Variants in SCN9A observed in about 807,000 individuals in gnomAD.
SCN9A encodes the protein sodium voltage-gated channel alpha subunit 9.
In SCN9A, 131 loss-of-function variants were observed where a neutral mutation model predicts 187.0. That is an observed-to-expected ratio of 0.70 (90% CI 0.61 to 0.81). The LOEUF (loss-of-function observed/expected upper bound fraction) is 0.81. Among genes scored for constraint, SCN9A ranks in the 30% least tolerant of loss-of-function variants. The pLI, the probability that SCN9A is intolerant of heterozygous loss-of-function variation, is 0.00. For synonymous variants in SCN9A, 809 were observed against 808.6 expected, an observed-to-expected ratio of 1.00 and a Z score of -0.01; for missense variants, 2,252 against 2,396.6, an observed-to-expected ratio of 0.94 and a Z score of 1.26.
intron 17 of SCN9A, among the ~76,000 whole-genome samples, chr2:166,269,506 G>C (rs1696885514): frequency 6.6e-6 from 1 of 152,066 alleles, no homozygotes; most frequent in Non-Finnish European, 1.5e-5. Context: ...CACAAGCCTA[G>C]GACTCTTGAC....
chr2:166,214,287 T>C lies in SCN9A; in HGVS notation c.4399-9823A>G, dbSNP rs77084616. Reference sequence around the variant, plus strand: ...AACTGCCTGAGCACTCTCAGAAGCTTTAATTCCTGGGATCAGACCATCTTC... The same window carrying C: ...AACTGCCTGAGCACTCTCAGAAGCTCTAATTCCTGGGATCAGACCATCTTC... On this transcript the variant is annotated intron_variant, in intron 24 of 26. Coordinates refer to ENST00000642356, the MANE Select transcript of SCN9A (RefSeq NM_001365536.1). Among the ~76,000 whole-genome samples, 308 of 152,114 alleles carry C rather than the reference T, an allele frequency of 2.0e-3. 4 individuals are homozygous for C. The East Asian group carries it at 0.05, about 25-fold the overall frequency.
intron 8 of SCN9A, among the ~76,000 whole-genome samples, chr2:166,294,095 A>G (rs1698196577): frequency 6.6e-6 from 1 of 152,188 alleles, no homozygotes; most frequent in Non-Finnish European, 1.5e-5. Flanking sequence ...AAGCAGCAAG[A>G]TGGACAGTTG....
chr2:166,344,462 A>G (rs1440971263), intron 1 of SCN9A, among the ~76,000 whole-genome samples: 1 of 152,162 alleles, frequency 6.6e-6, no homozygotes, highest in South Asian at 2.1e-4. Context: ...AGGACTTGTA[A>G]TTTGTACATT....
At chr2:166,318,489 GA>G (rs546158464) in intron 1 of SCN9A, among the ~76,000 whole-genome samples, 12 of 137,852 alleles carry the variant, frequency 8.7e-5, no homozygotes, top group African/African-American at 2.9e-4. Context: ...TTTAACTTTA[GA>G]AAAAAAAAAG....
At chr2:166,249,781 T>A (rs974620420) in intron 18 of SCN9A, among the ~76,000 whole-genome samples, 6 of 152,106 alleles carry the variant, frequency 3.9e-5, no homozygotes, top group Non-Finnish European at 8.8e-5. Context: ...GAGTTTAAGT[T>A]TTTTGAAGTC....
chr2:166,214,704 C>T (rs62176625), intron 24 of SCN9A, among the ~76,000 whole-genome samples: 9 of 150,782 alleles, frequency 6.0e-5, no homozygotes, highest in African/African-American at 2.0e-4. Context: ...TTAGTAGAGA[C>T]GGGGTTTCAC....
chr2:166,326,589 T>C (rs1699369505), intron 1 of SCN9A, among the ~76,000 whole-genome samples: 1 of 152,198 alleles, frequency 6.6e-6, no homozygotes, highest in Non-Finnish European at 1.5e-5. Context: ...GGAATGACCT[T>C]GGACTGTTCT....
At chr2:166,240,137 A>T (rs1015992593) in intron 19 of SCN9A, among the ~76,000 whole-genome samples, 1 of 152,186 alleles carries the variant, frequency 6.6e-6, no homozygotes, top group African/African-American at 2.4e-5. Context: ...TTAAAACTGT[A>T]CCCAGCTTCA....
intron 24 of SCN9A, among the ~76,000 whole-genome samples, chr2:166,214,450 C>T (rs899473489): frequency 6.6e-6 from 1 of 151,980 alleles, no homozygotes; most frequent in Non-Finnish European, 1.5e-5. Context: ...ATAACATTCC[C>T]CACGCCTTCT....
chr2:166,298,068 C>G (rs569785061), intron 7 of SCN9A, among the ~76,000 whole-genome samples: 10 of 152,004 alleles, frequency 6.6e-5, no homozygotes, highest in Non-Finnish European at 1.5e-4. Flanking sequence ...ATATCCCCAA[C>G]GAAGGGCAAA....
intron 18 of SCN9A, among the ~76,000 whole-genome samples, chr2:166,245,651 A>C (rs1695753828): frequency 6.6e-6 from 1 of 152,016 alleles, no homozygotes; most frequent in Non-Finnish European, 1.5e-5. Context: ...CTTCCTCATA[A>C]AATTTTAGAT....
Position 166,303,276 on chromosome 2 carries a change from T to C in SCN9A, c.715A>G (p.Ile239Val), listed in dbSNP as rs1574901456. ...PGLKTIVGALIQSVKKLSDVM... is the reference protein window; with the variant it reads ...PGLKTIVGALVQSVKKLSDVM... ...TCAGAAAGCTTCTTCACTGACTGGA[T>C]CAAAGCCCCTACAATTGTCTTCAGG... The change falls in exon 7 of 27, where the codon ATC becomes GTC. Residue 239 changes from isoleucine to valine, a missense_variant. Coordinates refer to ENST00000642356, the MANE Select transcript of SCN9A (RefSeq NM_001365536.1). 1.2e-6 allele frequency: 2 copies of C among 1,613,480 alleles called. No homozygotes were observed. Among genetic ancestry groups the C allele is most frequent in the African/African-American group, 2.7e-5 (2 of 75,006 alleles).
At chr2:166,285,661 A>AT (rs1697705779) in intron 11 of SCN9A, among the ~76,000 whole-genome samples, 1 of 152,120 alleles carries the variant, frequency 6.6e-6, no homozygotes, top group South Asian at 2.1e-4. Context: ...TTTTAACTAG[A>AT]TTTTTAGTTT....
intron 23 of SCN9A, among the ~76,000 whole-genome samples, 153 bp downstream of exon 23, chr2:166,227,517 C>T (rs190136257): frequency 7.2e-4 from 109 of 152,310 alleles, no homozygotes; most frequent in African/African-American, 2.5e-3. Context: ...TCTCCAACTG[C>T]TGTACTCACA....
chr2:166,207,428 T>TTGTTG (rs1693861894), intron 24 of SCN9A, among the ~76,000 whole-genome samples: 29 of 150,170 alleles, frequency 1.9e-4, no homozygotes, highest in African/African-American at 5.9e-4. Context: ...TTAGAGTGTT[T>TTGTTG]TTGTTGTTGT....
chr2:166,327,339 T>C (rs1699389354), intron 1 of SCN9A, among the ~76,000 whole-genome samples: 1 of 152,068 alleles, frequency 6.6e-6, no homozygotes, highest in East Asian at 1.9e-4. Context: ...GCATTTTTTG[T>C]AGAGACAAGG....
intron 26 of SCN9A, among the ~76,000 whole-genome samples, chr2:166,203,335 A>C (rs1693635239): frequency 6.6e-6 from 1 of 151,902 alleles, no homozygotes; most frequent in African/African-American, 2.4e-5. Context: ...TGAAAATAAC[A>C]ACAACAACAA....
intron 16 of SCN9A, 137 bp downstream of exon 16, chr2:166,276,846 T>G: frequency 1.4e-6 from 1 of 692,540 alleles, no homozygotes; most frequent in Admixed American, 4.0e-5. Context: ...TTCTTTCTTG[T>G]ATTAAAATTA....
rs771950039 is a variant in SCN9A at position 166,304,270 on chromosome 2, A to C, written c.656T>G (p.Leu219Trp). The change falls in exon 6 of 27, where the codon TTG becomes TGG. Residue 219 changes from leucine to tryptophan, a missense_variant. Physicochemically the swap from Leu to Trp is moderately conservative, Grantham distance 61. Coordinates refer to ENST00000642356, the MANE Select transcript of SCN9A (RefSeq NM_001365536.1). ...NVSALRTFRV[L>W]RALKTISVIP... ...TACAGAAATAGTTTTCAAAGCTCTC[A>C]ATACTCTGAAAGTTCGAAGAGCTGA... 1.9e-6 allele frequency: 3 copies of C among 1,613,598 alleles called. No individual in the cohort carries two copies. In the South Asian group the frequency reaches 3.3e-5, roughly 18 times the overall value.
Sources: allele counts gnomAD v4.1 joint callset (sites outside exome capture counted in the v4.1 genomes callset), GRCh38; gene constraint gnomAD v4.1.1; transcripts MANE v1.5; gene names NCBI Gene and HGNC (gene_info 2026-07-23, HGNC 2026-07-21).